ERBB4: variants seen among roughly 807,000 people sequenced by gnomAD.
ERBB4 encodes the protein receptor tyrosine-protein kinase erbB-4.
A neutral mutation model predicts 158.0 loss-of-function variants in ERBB4; 42 were observed. The observed-to-expected ratio is 0.27, with a 90% CI of 0.21 to 0.34. ERBB4 has a LOEUF of 0.34. Among genes scored for constraint, ERBB4 ranks in the 10% least tolerant of loss-of-function variants. The probability of loss-of-function intolerance (pLI) is 1.00; values close to 1 mark genes in which losing one functional copy is unlikely to be tolerated. For missense variants in ERBB4, 1,333 were observed against 1,624.1 expected (o/e 0.82, Z 3.08); for synonymous variants, 583 against 558.7 (o/e 1.04, Z -0.61).
chr2:211,969,813 CTATT>C (rs2081402414), intron 2 of ERBB4, among the ~76,000 whole-genome samples: 4 of 151,672 alleles, frequency 2.6e-5, no homozygotes, highest in Admixed American at 2.6e-4. Context: ...AGCTAGTGGT[CTATT>C]TATTAATTTT....
At chr2:212,416,173 C>G (rs1383815638) in intron 1 of ERBB4, among the ~76,000 whole-genome samples, 1 of 152,134 alleles carries the variant, frequency 6.6e-6, no homozygotes, top group Non-Finnish European at 1.5e-5. Flanking sequence ...TCTGTACAAA[C>G]TAAATCAACG....
intron 3 of ERBB4, among the ~76,000 whole-genome samples, chr2:211,918,811 T>C (rs368261780): frequency 6.6e-5 from 10 of 152,256 alleles, no homozygotes; most frequent in South Asian, 2.1e-4. Context: ...GGAGAATATT[T>C]TTGCCTGCAT....
intron 1 of ERBB4, among the ~76,000 whole-genome samples, chr2:212,128,404 G>C (rs1206934484): frequency 6.6e-6 from 1 of 152,108 alleles, no homozygotes; most frequent in Non-Finnish European, 1.5e-5. Context: ...ACTTTGCCTG[G>C]TTTATTCTTC....
At chr2:212,144,079 A>C (rs941644324) in intron 1 of ERBB4, among the ~76,000 whole-genome samples, 1 of 152,118 alleles carries the variant, frequency 6.6e-6, no homozygotes, top group Non-Finnish European at 1.5e-5. Context: ...ATAGATCAGG[A>C]ATAGAAAATG....
chr2:212,482,601 T>A (rs1031364734), intron 1 of ERBB4, among the ~76,000 whole-genome samples: 2 of 152,154 alleles, frequency 1.3e-5, no homozygotes, highest in African/African-American at 4.8e-5. Context: ...AGTAAAATAT[T>A]TAACTCAACT....
At chr2:212,079,257 C>T (rs940654211) in intron 2 of ERBB4, among the ~76,000 whole-genome samples, 1 of 151,800 alleles carries the variant, frequency 6.6e-6, no homozygotes, top group East Asian at 1.9e-4. Context: ...TTTTATTCCC[C>T]TTATGCTTGC....
chr2:211,463,459 C>G (rs779157847), intron 20 of ERBB4, among the ~76,000 whole-genome samples: 2 of 152,148 alleles, frequency 1.3e-5, no homozygotes, highest in African/African-American at 2.4e-5. Flanking sequence ...AGCATGCAGT[C>G]TGCTGTAGCT....
chr2:211,928,409 G>T (rs1288438386), intron 3 of ERBB4, among the ~76,000 whole-genome samples: 2 of 152,136 alleles, frequency 1.3e-5, no homozygotes, highest in Non-Finnish European at 2.9e-5. Context: ...AACACCAGAG[G>T]ACTGCACCTG....
rs2106122601 is a variant in ERBB4 at position 211,722,501 on chromosome 2, C to T, written c.775G>A (p.Val259Ile). The T allele has an allele frequency of 6.2e-7, 1 of 1,613,982 alleles. No individual in the cohort carries two copies. Among genetic ancestry groups the T allele is most frequent in the Non-Finnish European group, 8.5e-7 (1 of 1,179,872 alleles). Reference protein sequence around the residue: ...CMNFNDSGACVTQCPQTFVYN... With the variant: ...CMNFNDSGACITQCPQTFVYN... Reference sequence around the variant, plus strand: ...ACAAAGGTTTGGGGACACTGAGTAACACATGCTCCACTGTCATTGAAATTC... The same window carrying T: ...ACAAAGGTTTGGGGACACTGAGTAATACATGCTCCACTGTCATTGAAATTC... Residue 259 changes from valine (V) to isoleucine (I), a missense_variant, in exon 7 of 28, where the codon GTT (valine) becomes ATT (isoleucine). Val to Ile is a conservative substitution (Grantham distance 29). Around this residue, in one of 5 missense-constraint regions of ERBB4, gnomAD observed 438 missense variants for 586.9 expected, o/e 0.75. Coordinates refer to ENST00000342788, the MANE Select transcript of ERBB4 (RefSeq NM_005235.3).
At chr2:212,442,838 G>A (rs1560334510) in intron 1 of ERBB4, among the ~76,000 whole-genome samples, 1 of 152,158 alleles carries the variant, frequency 6.6e-6, no homozygotes, top group Non-Finnish European at 1.5e-5. Context: ...ATCCCTGGAA[G>A]GACTGCAGAG....
chr2:211,789,335 C>G (rs2076233450), intron 3 of ERBB4, among the ~76,000 whole-genome samples: 1 of 152,124 alleles, frequency 6.6e-6, no homozygotes, highest in Non-Finnish European at 1.5e-5. Context: ...ATTAGTTCAG[C>G]TGTTCCGCAG....
chr2:211,767,110 A>G (rs1351001043), intron 4 of ERBB4, among the ~76,000 whole-genome samples: 1 of 151,876 alleles, frequency 6.6e-6, no homozygotes, highest in Non-Finnish European at 1.5e-5. Context: ...GCTCAAGGCT[A>G]CTCCCACTCT....
At chr2:212,058,649 T>A (rs1404103047) in intron 2 of ERBB4, among the ~76,000 whole-genome samples, 2 of 152,120 alleles carry the variant, frequency 1.3e-5, no homozygotes, top group African/African-American at 4.8e-5. Context: ...CGCAAATCAA[T>A]CAACGTAATA....
chr2:212,535,394 C>G (rs1346598866), intron 1 of ERBB4, among the ~76,000 whole-genome samples: 2 of 152,164 alleles, frequency 1.3e-5, no homozygotes, highest in East Asian at 1.9e-4. Context: ...TTTTTCTTCT[C>G]AAATGAAAAA....
chr2:212,177,623 G>A (rs1425067739), intron 1 of ERBB4, among the ~76,000 whole-genome samples: 1 of 151,766 alleles, frequency 6.6e-6, no homozygotes, highest in African/African-American at 2.4e-5. Context: ...TTTTCAAGAA[G>A]CTTATCAATT....
rs965176030 is a variant in ERBB4 at position 212,442,073 on chromosome 2, G to A, written c.82+96376C>T. 6.6e-5 allele frequency among the ~76,000 whole-genome samples: 10 copies of A among 152,278 alleles called. 1 individual carries two copies. Among genetic ancestry groups the A allele is most frequent in the Middle Eastern group, 3.4e-3 (1 of 294 alleles). ...CAACCATCAAAGGCAAGGTGGGCAT[G>A]GCTACCATAATGGACAGCAGAGACA... On this transcript the variant is annotated intron_variant, in intron 1 of 27. Coordinates refer to ENST00000342788, the MANE Select transcript of ERBB4 (RefSeq NM_005235.3).
At chr2:211,882,138 G>A (rs564263102) in intron 3 of ERBB4, among the ~76,000 whole-genome samples, 1 of 152,096 alleles carries the variant, frequency 6.6e-6, no homozygotes, top group South Asian at 2.1e-4. Context: ...AAATCATTAG[G>A]CATCTAGCTT....
At chr2:211,675,325 A>G (rs2072019462) in intron 13 of ERBB4, among the ~76,000 whole-genome samples, 1 of 152,130 alleles carries the variant, frequency 6.6e-6, no homozygotes, top group South Asian at 2.1e-4. Context: ...GTTTTTCCAA[A>G]TCTAAACCCC....
intron 7 of ERBB4, among the ~76,000 whole-genome samples, chr2:211,716,394 A>T (rs1389512400): frequency 9.1e-6 from 1 of 109,556 alleles, no homozygotes. Context: ...AAAAAAAAAA[A>T]GGCCGGGCGC....
Sources: gnomAD v4.1 joint callset for allele counts (sites outside exome capture counted in the v4.1 genomes callset) on GRCh38, gnomAD v4.1.1 for gene constraint, gnomAD v4.1.1 regional missense constraint, MANE v1.5 for transcripts, NCBI Gene and HGNC (gene_info 2026-07-23, HGNC 2026-07-21) for gene names.